Variants in UBE3D observed in about 807,000 individuals in gnomAD.
UBE3D encodes E3 ubiquitin-protein ligase E3D.
A neutral mutation model predicts 49.6 loss-of-function variants in UBE3D; 48 were observed. That is an observed-to-expected ratio of 0.97 (90% confidence interval 0.77 to 1.23). UBE3D has a LOEUF of 1.23. UBE3D is among the 50% of genes most tolerant of loss of function. UBE3D has a pLI of 0.00. For missense variants in UBE3D, 452 were observed against 468.4 expected (o/e 0.96, Z 0.32); for synonymous variants, 189 against 174.2 (o/e 1.08, Z -0.67).
At chr6:82,995,211 G>A (rs1779154629) in intron 8 of UBE3D, among the ~76,000 whole-genome samples, 1 of 152,102 alleles carries the variant, frequency 6.6e-6, no homozygotes, top group Non-Finnish European at 1.5e-5. Flanking sequence ...AATGCCAAAC[G>A]CTAAGGATTG....
intron 9 of UBE3D, among the ~76,000 whole-genome samples, chr6:82,952,793 G>T (rs1775896721): frequency 6.6e-6 from 1 of 152,106 alleles, no homozygotes; most frequent in South Asian, 2.1e-4. Context: ...AGCACAAAAA[G>T]CACAACTAAG....
intron 8 of UBE3D, among the ~76,000 whole-genome samples, chr6:82,961,991 C>CGT (rs56273130): frequency 0.81 from 119,620 of 147,668 alleles, 49,118 homozygotes; most frequent in East Asian, 0.94. Flanking sequence ...ATTTTTTATA[C>CGT]GTGTGTGTGT....
intron 9 of UBE3D, among the ~76,000 whole-genome samples, chr6:82,920,860 A>G (rs1409997618): frequency 6.6e-6 from 1 of 151,344 alleles, no homozygotes; most frequent in Non-Finnish European, 1.5e-5. Context: ...AAAAAGGAAG[A>G]AAAGATTTAA....
chr6:82,969,359 C>T (rs1258577489), intron 8 of UBE3D, among the ~76,000 whole-genome samples: 1 of 152,124 alleles, frequency 6.6e-6, no homozygotes, highest in African/African-American at 2.4e-5. Flanking sequence ...ACTCTAATCC[C>T]ACTTTGAGAG....
chr6:82,901,502 T>C (rs998087301), intron 9 of UBE3D, among the ~76,000 whole-genome samples: 1 of 152,332 alleles, frequency 6.6e-6, no homozygotes, highest in Non-Finnish European at 1.5e-5. Flanking sequence ...AGGGGTGTTT[T>C]AATAGGTTGT....
intron 9 of UBE3D, among the ~76,000 whole-genome samples, chr6:82,929,004 G>A (rs973000415): frequency 1.3e-5 from 2 of 152,066 alleles, no homozygotes; most frequent in African/African-American, 4.8e-5. Flanking sequence ...AATTCCAAAA[G>A]AACCACATAG....
chr6:83,062,964 C>T (rs375656686), intron 1 of UBE3D, among the ~76,000 whole-genome samples: 5 of 152,022 alleles, frequency 3.3e-5, no homozygotes, highest in Non-Finnish European at 5.9e-5. Context: ...AAAGCTAAAA[C>T]GATATAACTC....
At chr6:82,990,082 G>A (rs1041028569) in intron 8 of UBE3D, among the ~76,000 whole-genome samples, 15 of 152,168 alleles carry the variant, frequency 9.9e-5, no homozygotes, top group Admixed American at 9.2e-4. Flanking sequence ...CATACCTCTT[G>A]AATTAGTTAC....
intron 9 of UBE3D, among the ~76,000 whole-genome samples, chr6:82,948,207 A>C (rs550040795): frequency 2.4e-4 from 37 of 152,160 alleles, no homozygotes; most frequent in Non-Finnish European, 4.9e-4. Flanking sequence ...ATTACAACTG[A>C]TACTGCAGAA....
intron 8 of UBE3D, among the ~76,000 whole-genome samples, chr6:82,972,766 T>A (rs1777445101): frequency 6.6e-6 from 1 of 152,186 alleles, no homozygotes; most frequent in South Asian, 2.1e-4. Context: ...ATGATGCACT[T>A]TAGGACATTT....
At chr6:82,997,164 A>G (rs909326961) in intron 8 of UBE3D, among the ~76,000 whole-genome samples, 2 of 152,228 alleles carry the variant, frequency 1.3e-5, no homozygotes, top group Non-Finnish European at 2.9e-5. Context: ...CCCCAAGAAC[A>G]ACACCACCAC....
chr6:83,062,734 A>G (rs1784246794), intron 1 of UBE3D, among the ~76,000 whole-genome samples: 1 of 152,206 alleles, frequency 6.6e-6, no homozygotes, highest in African/African-American at 2.4e-5. Flanking sequence ...TTATACAGAA[A>G]GACATAAGAA....
intron 8 of UBE3D, among the ~76,000 whole-genome samples, chr6:82,978,947 G>A (rs1777919367): frequency 6.6e-6 from 1 of 152,074 alleles, no homozygotes. Flanking sequence ...GTCTATGCAG[G>A]AAAGTTCCAA....
intron 3 of UBE3D, among the ~76,000 whole-genome samples, chr6:83,050,780 G>A (rs1783420562): frequency 6.8e-6 from 1 of 147,160 alleles, no homozygotes; most frequent in Non-Finnish European, 1.5e-5. Flanking sequence ...CACAGGGCAT[G>A]CTACCTAAGA....
chr6:82,943,957 C>T (rs1775212287), intron 9 of UBE3D, among the ~76,000 whole-genome samples: 1 of 152,072 alleles, frequency 6.6e-6, no homozygotes, highest in Non-Finnish European at 1.5e-5. Context: ...GGGAATCGCC[C>T]ATCCCAGTGG....
chr6:82,902,197 C>A (rs7776094), intron 9 of UBE3D, among the ~76,000 whole-genome samples: 26,265 of 152,090 alleles, frequency 0.17, 3,749 homozygotes, highest in African/African-American at 0.39. Flanking sequence ...GAGGAGGGGA[C>A]TATGAGAGTA....
chr6:83,034,566 G>C (rs1782107676), intron 5 of UBE3D, among the ~76,000 whole-genome samples: 3 of 152,090 alleles, frequency 2.0e-5, no homozygotes, highest in Admixed American at 2.0e-4. Context: ...TTGGATCATG[G>C]GGGTGGTCTC....
At chr6:83,064,213 CTTTT>C (rs879807388) in intron 1 of UBE3D, among the ~76,000 whole-genome samples, 1 of 151,400 alleles carries the variant, frequency 6.6e-6, no homozygotes, top group African/African-American at 2.4e-5. Context: ...AGTTAGGTTT[CTTTT>C]TTTTTCTTTT....
chr6:83,015,595 T>C (rs1206455291), intron 8 of UBE3D, among the ~76,000 whole-genome samples: 2 of 152,152 alleles, frequency 1.3e-5, no homozygotes, highest in Non-Finnish European at 2.9e-5. Context: ...TTATATACAT[T>C]AGAAAACTCA....
Sources: gnomAD v4.1 joint callset for allele counts (sites outside exome capture counted in the v4.1 genomes callset) on GRCh38, gnomAD v4.1.1 for gene constraint, MANE v1.5 for transcripts, NCBI Gene and HGNC (gene_info 2026-07-23, HGNC 2026-07-21) for gene names.